Variants in ZBED4 observed in about 807,000 individuals in gnomAD.
The protein encoded by ZBED4 is zinc finger BED-type containing 4, also known as zinc finger BED domain-containing protein 4.
In ZBED4, 4 loss-of-function variants were observed where a neutral mutation model predicts 15.5. The ratio of observed to expected loss-of-function variants is 0.26; its 90% CI spans 0.13 to 0.59. ZBED4 has a LOEUF of 0.59. Ranked by LOEUF, ZBED4 falls within the 20% of genes least tolerant of loss-of-function variation. The probability of loss-of-function intolerance (pLI) is 0.90; values close to 1 mark genes in which losing one functional copy is unlikely to be tolerated. For synonymous variants in ZBED4, 692 were observed against 608.5 expected (o/e 1.14, Z -2.02); for missense variants, 1,323 against 1,461.8 (o/e 0.91, Z 1.55).
chr22:49,884,582 T>C lies in ZBED4; in HGVS notation c.920T>C (p.Ile307Thr). ...SPLDNSKAVC[I>T]HCMNEFSRGK... is the part of the protein sequence containing the mutation. Reference sequence around the variant, plus strand: ...CTGGACAACTCCAAAGCTGTCTGCATTCACTGCATGAACGAGTTCAGCCGG... The same window carrying C: ...CTGGACAACTCCAAAGCTGTCTGCACTCACTGCATGAACGAGTTCAGCCGG... The change falls in exon 2 of 2, where the codon ATT (isoleucine) becomes ACT (threonine). Residue 307 changes from isoleucine to threonine, a missense_variant. This residue lies in a region of ZBED4 where 380 missense variants were observed against 413.7 expected (regional missense o/e 0.92). Coordinates refer to ENST00000216268, the MANE Select transcript of ZBED4 (RefSeq NM_014838.3). 6.2e-7 allele frequency: 1 copy of C among 1,612,738 alleles called. No individual in the cohort carries two copies. The highest frequency in any genetic ancestry group is 8.5e-7 in the Non-Finnish European group (1 of 1,179,280).
chr22:49,881,922 G>A (rs114413192), intron 1 of ZBED4, among the ~76,000 whole-genome samples: 3,214 of 152,238 alleles, frequency 0.021, 118 homozygotes, highest in African/African-American at 0.073. Context: ...ATTTATTTCT[G>A]GTGGGAGCTA....
At chr22:49,853,424 G>C (rs963001434), upstream of ZBED4, 6 of 152,324 alleles carry the variant, frequency 3.9e-5, no homozygotes, top group Non-Finnish European at 7.3e-5. Context: ...CGCCAGGTAA[G>C]GGGGTTCGGG....
upstream of ZBED4, chr22:49,853,338 AG>A (rs1208406723): frequency 8.0e-5 from 12 of 150,846 alleles, no homozygotes; most frequent in African/African-American, 2.7e-4. Flanking sequence ...CCGCGCGGGG[AG>A]CCCCGATCGC....
rs766246929 is a variant in ZBED4, at chr22:49,883,653, A to G, written c.-10A>G. The stretch of plus-strand genomic sequence containing the variant: ...AACCTAAGATACAGCCGGAGTAGTT[A>G]TGGTCAGTCATGGAGAATAACTTGA... On this transcript the variant is annotated 5_prime_UTR_variant, in exon 2 of 2. It removes an upstream start codon present in the reference 5' UTR. Coordinates refer to ENST00000216268, the MANE Select transcript of ZBED4 (RefSeq NM_014838.3). 5 of 1,547,366 alleles carry G rather than the reference A, an allele frequency of 3.2e-6. No homozygotes were observed. Among genetic ancestry groups the G allele is most frequent in the East Asian group, 2.3e-5 (1 of 44,112 alleles).
chr22:49,876,426 T>C (rs2060376719), intron 1 of ZBED4, among the ~76,000 whole-genome samples: 1 of 152,258 alleles, frequency 6.6e-6, no homozygotes, highest in Admixed American at 6.5e-5. Flanking sequence ...TTCTCTCAGC[T>C]TTGCTTCGTG....
At chr22:49,876,320 G>A (rs143382071) in intron 1 of ZBED4, among the ~76,000 whole-genome samples, 4 of 152,194 alleles carry the variant, frequency 2.6e-5, no homozygotes, top group African/African-American at 4.8e-5. Flanking sequence ...TGAATCTTCC[G>A]TGTCTTTACT....
intron 1 of ZBED4, among the ~76,000 whole-genome samples, chr22:49,872,323 A>G (rs1236189155): frequency 2.6e-5 from 4 of 152,044 alleles, no homozygotes; most frequent in Admixed American, 2.6e-4. Flanking sequence ...CATTCACTCA[A>G]GTTTTATCCT....
chr22:49,886,713 T>G lies in ZBED4; in HGVS notation c.3051T>G (p.Phe1017Leu). The change falls in exon 2 of 2, where the codon TTT becomes TTG. Residue 1017 changes from phenylalanine (F) to leucine (L), a missense_variant. Physicochemically the swap from Phe to Leu is conservative, Grantham distance 22 (BLOSUM62 0). Around this residue, in one of 6 missense-constraint regions of ZBED4, gnomAD observed 312 missense variants for 410.7 expected, o/e 0.76. Coordinates refer to ENST00000216268, the MANE Select transcript of ZBED4 (RefSeq NM_014838.3). The surrounding 1 kb of genome is among the most constrained non-coding windows in gnomAD (Gnocchi z 7.7). ...LLDPRYKASLFTEEEAEQYKQ... is the reference protein window; with the variant it reads ...LLDPRYKASLLTEEEAEQYKQ... Reference sequence around the variant, plus strand: ...ATCCTCGCTACAAGGCCTCCCTGTTTACGGAGGAGGAGGCGGAGCAGTACA... The same window carrying G: ...ATCCTCGCTACAAGGCCTCCCTGTTGACGGAGGAGGAGGCGGAGCAGTACA... The G allele has an allele frequency of 6.2e-7, 1 of 1,613,396 alleles. No individual in the cohort carries two copies. The highest frequency in any genetic ancestry group is 1.1e-5 in the South Asian group (1 of 91,016).
Position 49,853,854 on chromosome 22 carries a change from G to T in ZBED4, c.-465G>T, listed in dbSNP as rs2031622983. ...GGCCCTGGGAGGGGCGCAGCGTCCGGCGGCGTCGCGGGCGGCGGGCGGCGG... is the reference window on the plus strand; with the variant it reads ...GGCCCTGGGAGGGGCGCAGCGTCCGTCGGCGTCGCGGGCGGCGGGCGGCGG... On this transcript the variant is annotated 5_prime_UTR_variant, in exon 1 of 2. Transcript: ENST00000216268. The T allele has an allele frequency of 6.9e-6, 1 of 144,828 alleles. No homozygotes were observed. Among genetic ancestry groups the T allele is most frequent in the African/African-American group, 2.5e-5 (1 of 40,472 alleles). The allele number at this position is 144,828 out of a possible 1,614,324, so 9.0% of individuals were successfully genotyped here. A position where few individuals can be genotyped will look rare whatever the true frequency, so the allele number is the denominator to read the frequency against.
At chr22:49,864,773 A>G (rs2060312116) in intron 1 of ZBED4, among the ~76,000 whole-genome samples, 1 of 127,134 alleles carries the variant, frequency 7.9e-6, no homozygotes, top group Non-Finnish European at 1.6e-5. Flanking sequence ...GTGAGCTGAG[A>G]TTGTGTACTG....
chr22:49,889,174 C>A lies in ZBED4; in HGVS notation c.*1996C>A, dbSNP rs1469319813. ...CAACAGAGATTTCCGTGGACACAGTCTCTAGTCTCACAGAGCATATAGTCT... is the reference window on the plus strand; with the variant it reads ...CAACAGAGATTTCCGTGGACACAGTATCTAGTCTCACAGAGCATATAGTCT... On this transcript the variant is annotated 3_prime_UTR_variant, in exon 2 of 2. Transcript: ENST00000216268. 1.2e-5 allele frequency: 2 copies of A among 167,128 alleles called. No individual in the cohort carries two copies. Among genetic ancestry groups the A allele is most frequent in the Admixed American group, 1.3e-4 (2 of 15,294 alleles). 10.4% of individuals were successfully genotyped at this position (167,128 alleles called of 1,614,324 possible).
At chr22:49,855,335 C>T (rs563120023) in intron 1 of ZBED4, among the ~76,000 whole-genome samples, 3 of 152,186 alleles carry the variant, frequency 2.0e-5, no homozygotes, top group East Asian at 3.9e-4. Context: ...CAGGTGGTTA[C>T]AGGGTCTCCC....
At chr22:49,877,960 T>G (rs1014290229) in intron 1 of ZBED4, among the ~76,000 whole-genome samples, 1 of 152,200 alleles carries the variant, frequency 6.6e-6, no homozygotes, top group Non-Finnish European at 1.5e-5. Context: ...ACAATTTGTC[T>G]TCTAGTTTTT....
chr22:49,872,712 T>C (rs1246423784), intron 1 of ZBED4, among the ~76,000 whole-genome samples: 1 of 151,764 alleles, frequency 6.6e-6, no homozygotes, highest in Non-Finnish European at 1.5e-5. Context: ...AAATTTTTTT[T>C]TTTTTTTCCT....
intron 1 of ZBED4, among the ~76,000 whole-genome samples, chr22:49,869,399 C>T (rs530190957): frequency 6.6e-6 from 1 of 152,308 alleles, no homozygotes; most frequent in South Asian, 2.1e-4. Context: ...TCCTCCAGAC[C>T]AGATTATTTC....
intron 1 of ZBED4, among the ~76,000 whole-genome samples, chr22:49,865,404 CT>C (rs2060317765): frequency 6.6e-6 from 1 of 152,060 alleles, no homozygotes; most frequent in Non-Finnish European, 1.5e-5. Context: ...AATCCCAGCA[CT>C]TCGGGGGCTA....
intron 1 of ZBED4, among the ~76,000 whole-genome samples, chr22:49,874,785 C>T (rs897198380): frequency 2.1e-5 from 3 of 143,240 alleles, no homozygotes; most frequent in Admixed American, 7.2e-5. Context: ...CAGGTTCAAG[C>T]GATTCTCCTG....
At chr22:49,871,474 C>T (rs1247587161) in intron 1 of ZBED4, among the ~76,000 whole-genome samples, 4 of 151,930 alleles carry the variant, frequency 2.6e-5, no homozygotes, top group South Asian at 2.1e-4. Context: ...CAGAGTGAGA[C>T]TCTGTCTCAA....
At chr22:49,853,497 C>G (rs925067937), upstream of ZBED4, 1 of 152,320 alleles carries the variant, frequency 6.6e-6, no homozygotes, top group South Asian at 2.1e-4. Context: ...TGGGTGCGCG[C>G]CGAGCCGCTG....
Sources: gnomAD v4.1 joint callset for allele counts (sites outside exome capture counted in the v4.1 genomes callset) on GRCh38, gnomAD v4.1.1 for gene constraint, gnomAD v4.1.1 regional missense constraint, Gnocchi (gnomAD v3.1) non-coding constraint, MANE v1.5 for transcripts, NCBI Gene and HGNC (gene_info 2026-07-23, HGNC 2026-07-21) for gene names.